The following TAS1R1 variants were observed in gnomAD, a reference collection of about 807,000 sequenced individuals.
TAS1R1 encodes taste receptor type 1 member 1.
TAS1R1 carries 31 observed loss-of-function variants against 45.8 expected under a neutral mutation model. That is an observed-to-expected ratio of 0.68 (90% confidence interval 0.51 to 0.91). The LOEUF is 0.91. TAS1R1 is among the 40% of genes least tolerant of loss of function. TAS1R1 has a pLI of 0.00. For missense variants in TAS1R1, 1,051 were observed against 1,063.9 expected (o/e 0.99, Z 0.17); for synonymous variants, 437 against 448.4 (o/e 0.97, Z 0.32).
intron 2 of TAS1R1, 64 bp downstream of exon 2, chr1:6,571,279 G>A (rs1640009098): frequency 2.1e-6 from 3 of 1,439,812 alleles, no homozygotes; most frequent in Non-Finnish European, 2.7e-6. Flanking sequence ...GGGCATGTGG[G>A]CAAGAGCTGC....
At chr1:6,573,831 T>G (rs1207996496) in intron 2 of TAS1R1, among the ~76,000 whole-genome samples, 4 of 151,616 alleles carry the variant, frequency 2.6e-5, no homozygotes, top group African/African-American at 7.3e-5. Flanking sequence ...CCCGGCTAAT[T>G]TTTTTGTATT....
In TAS1R1 at chr1:6,555,315, G is replaced by A; in HGVS notation, c.-59G>A. On this transcript the variant is annotated 5_prime_UTR_variant, in exon 1 of 6. Coordinates refer to ENST00000333172, the MANE Select transcript of TAS1R1 (RefSeq NM_138697.4). ...CATCCGGCAGCTGCCTTCTATTTAA[G>A]CAACTGGCCTCCTTAGAGGCCACTC... 6.8e-7 allele frequency: 1 copy of A among 1,461,140 alleles called. No individual in the cohort carries two copies. Among genetic ancestry groups the A allele is most frequent in the Non-Finnish European group, 9.1e-7 (1 of 1,102,548 alleles). 90.5% of individuals were successfully genotyped at this position (1,461,140 alleles called of 1,614,324 possible).
chr1:6,561,802 C>T lies in TAS1R1; in HGVS notation c.191+6238C>T, dbSNP rs1253741590. ...CTGTCCAAGAGATCTTTTGAGAGAC[C>T]GTGATAGTAGGACAGAGAGGTGGAC... is the stretch of plus-strand genomic sequence containing the variant. On this transcript the variant is annotated intron_variant, in intron 1 of 5. Coordinates refer to ENST00000333172, the MANE Select transcript of TAS1R1 (RefSeq NM_138697.4). Among the ~76,000 whole-genome samples, 2 of 151,896 alleles carry T rather than the reference C, an allele frequency of 1.3e-5. 1 individual carries two copies. The highest frequency in any genetic ancestry group is 4.8e-5 in the African/African-American group (2 of 41,344).
intron 1 of TAS1R1, among the ~76,000 whole-genome samples, 187 bp from the exon 2 acceptor site, chr1:6,570,722 G>T (rs1490205094): frequency 6.6e-6 from 1 of 152,184 alleles, no homozygotes; most frequent in Non-Finnish European, 1.5e-5. Context: ...ATGCTAATAA[G>T]TTTCTCCATC....
intron 1 of TAS1R1, among the ~76,000 whole-genome samples, chr1:6,559,460 C>T (rs1009482602): frequency 1.3e-5 from 2 of 151,756 alleles, no homozygotes; most frequent in South Asian, 4.2e-4. Context: ...CAGTTCAAGA[C>T]CAGCCTGGGC....
intron 1 of TAS1R1, among the ~76,000 whole-genome samples, chr1:6,564,086 G>A (rs1639833066): frequency 6.6e-6 from 1 of 152,144 alleles, no homozygotes; most frequent in South Asian, 2.1e-4. Context: ...CTGGAGAATC[G>A]GCGGAAGGCG....
intron 5 of TAS1R1, 44 bp from the exon 6 acceptor site, chr1:6,578,609 C>G (rs1192834506): frequency 1.4e-5 from 21 of 1,523,726 alleles, no homozygotes; most frequent in Non-Finnish European, 1.4e-5. Context: ...TATTCCTACT[C>G]TGCTCATCTG....
intron 2 of TAS1R1, 102 bp downstream of exon 2, chr1:6,571,317 G>C (rs1640010622): frequency 7.8e-7 from 1 of 1,278,668 alleles, no homozygotes; most frequent in Admixed American, 2.6e-5. Flanking sequence ...CCTGCCCCCT[G>C]GATCTCTTGG....
intron 5 of TAS1R1, 46 bp from the exon 6 acceptor site, chr1:6,578,607 C>A: frequency 2.6e-6 from 4 of 1,522,460 alleles, no homozygotes; most frequent in Non-Finnish European, 3.5e-6. Context: ...CCTATTCCTA[C>A]TCTGCTCATC....
At chr1:6,565,977 G>A (rs1639866250) in intron 1 of TAS1R1, among the ~76,000 whole-genome samples, 1 of 152,176 alleles carries the variant, frequency 6.6e-6, no homozygotes, top group Admixed American at 6.5e-5. Context: ...GGACTCCTAA[G>A]TATGTTACTG....
intron 3 of TAS1R1, among the ~76,000 whole-genome samples, chr1:6,575,914 T>C (rs1010684223): frequency 6.6e-6 from 1 of 152,114 alleles, no homozygotes; most frequent in African/African-American, 2.4e-5. Flanking sequence ...CAGGATGGTC[T>C]CAATCTCCTG....
In TAS1R1 at chr1:6,577,562, CA is replaced by C. The variant is rs562196634; in HGVS notation, c.1594+493del. On this transcript the variant is annotated intron_variant, in intron 5 of 5. Transcript: ENST00000333172. ...AAAGGAGGCCGGGCGCGGTGGCTCA[CA>C]CCTGTAATCCCAGCACTTTGGGAGG... 1.3e-3 allele frequency among the ~76,000 whole-genome samples: 186 copies of C among 140,840 alleles called. 1 individual carries two copies. The highest frequency in any genetic ancestry group is 2.3e-3 in the Non-Finnish European group (148 of 64,738). The allele number at this position is 140,840 out of a possible 152,430, so 92.4% of individuals were successfully genotyped here. A position where few individuals can be genotyped will look rare whatever the true frequency, so the allele number is the denominator to read the frequency against.
In TAS1R1 at chr1:6,555,435, T is replaced by G; in HGVS notation, c.62T>G (p.Phe21Cys). The change falls in exon 1 of 6, where the codon TTT (phenylalanine) becomes TGT (cysteine). Residue 21 changes from phenylalanine (F) to cysteine (C), a missense_variant. Phe to Cys is a radical substitution (Grantham distance 205, BLOSUM62 -2). Coordinates refer to ENST00000333172, the MANE Select transcript of TAS1R1 (RefSeq NM_138697.4). ...LQLLISCCWA[F>C]ACHSTESSPD... Reference sequence around the variant, plus strand: ...CTTCTCATTTCCTGCTGCTGGGCCTTTGCCTGCCATAGCACGGAGTCTTCT... The same window carrying G: ...CTTCTCATTTCCTGCTGCTGGGCCTGTGCCTGCCATAGCACGGAGTCTTCT... 1 of 1,607,872 alleles carries G rather than the reference T, an allele frequency of 6.2e-7. No individual in the cohort carries two copies. The highest frequency in any genetic ancestry group is 8.5e-7 in the Non-Finnish European group (1 of 1,177,706).
At chr1:6,572,712 G>A (rs997607730) in intron 2 of TAS1R1, among the ~76,000 whole-genome samples, 2 of 151,608 alleles carry the variant, frequency 1.3e-5, no homozygotes, top group African/African-American at 2.4e-5. Context: ...AGCAGGCTTC[G>A]CCCTCCTCTC....
In TAS1R1 at chr1:6,576,558, C is replaced by T; in HGVS notation, c.1404C>T (p.Ser468=). Reference sequence around the variant, plus strand: ...AGTGGACCTTCACGGTCCTCGGTTCCTCCACATGGTCTCCAGTTCAGCTAA... The same window carrying T: ...AGTGGACCTTCACGGTCCTCGGTTCTTCCACATGGTCTCCAGTTCAGCTAA... The part of the protein sequence containing the change: ...GPKWTFTVLG[S]STWSPVQLNI... The change falls in exon 4 of 6, where the codon TCC becomes TCT. Residue 468 remains serine, a synonymous_variant. Transcript: ENST00000333172. The T allele has an allele frequency of 6.2e-7, 1 of 1,614,258 alleles. No individual in the cohort carries two copies. The highest frequency in any genetic ancestry group is 8.5e-7 in the Non-Finnish European group (1 of 1,180,044).
At position 6,579,334 on chromosome 1, in the gene TAS1R1, C is replaced by A. The variant is rs1640311662; in HGVS notation, c.2276C>A (p.Ala759Asp). The A allele has an allele frequency of 2.7e-5, 44 of 1,614,156 alleles. No individual in the cohort carries two copies. The highest frequency in any genetic ancestry group is 3.7e-5 in the Non-Finnish European group (44 of 1,180,058). Residue 759 changes from alanine to aspartate, a missense_variant, in exon 6 of 6, where the codon GCC (alanine) becomes GAC (aspartate). By Grantham distance (126) the Ala-to-Asp change is moderately radical (BLOSUM62 -2). Coordinates refer to ENST00000333172, the MANE Select transcript of TAS1R1 (RefSeq NM_138697.4). ...GKDLPENYNE[A>D]KCVTFSLLFN... ...GACTTGCCAGAGAACTACAACGAGG[C>A]CAAATGTGTCACCTTCAGCCTGCTC...
In TAS1R1 at chr1:6,567,121, G is replaced by A. The variant is rs181508808; in HGVS notation, c.192-3788G>A. Among the ~76,000 whole-genome samples, 76 of 152,292 alleles carry A rather than the reference G, an allele frequency of 5.0e-4. No individual in the cohort carries two copies. The East Asian group carries it at 0.014, about 29-fold the overall frequency. On this transcript the variant is annotated intron_variant, in intron 1 of 5. Coordinates refer to ENST00000333172, the MANE Select transcript of TAS1R1 (RefSeq NM_138697.4). ...CAGCCTAGAATGGGGATGGGTCAAT[G>A]AAGCATGATAGAAAGACTATGAGAA... is the stretch of plus-strand genomic sequence containing the variant.
At chr1:6,567,886 G>A (rs978722159) in intron 1 of TAS1R1, among the ~76,000 whole-genome samples, 2 of 152,104 alleles carry the variant, frequency 1.3e-5, no homozygotes, top group South Asian at 2.1e-4. Flanking sequence ...CTTCTTTGCC[G>A]CACTTAAAGC....
chr1:6,563,470 T>C (rs1319125745), intron 1 of TAS1R1, among the ~76,000 whole-genome samples: 1 of 152,206 alleles, frequency 6.6e-6, no homozygotes, highest in Non-Finnish European at 1.5e-5. Context: ...GTATCTATGA[T>C]AGAAAATTTA....
Sources: gnomAD v4.1 joint callset for allele counts (sites outside exome capture counted in the v4.1 genomes callset) on GRCh38, gnomAD v4.1.1 for gene constraint, MANE v1.5 for transcripts, NCBI Gene and HGNC (gene_info 2026-07-23, HGNC 2026-07-21) for gene names.